The following SV2C variants were observed in gnomAD, a reference collection of about 807,000 sequenced individuals.
The protein encoded by SV2C is synaptic vesicle glycoprotein 2C.
SV2C carries 49 observed loss-of-function variants against 79.7 expected under a neutral mutation model. The ratio of observed to expected loss-of-function variants is 0.61; its 90% CI spans 0.49 to 0.78. The LOEUF (loss-of-function observed/expected upper bound fraction) is 0.78. SV2C is among the 30% of genes least tolerant of loss of function. The probability of loss-of-function intolerance (pLI) is 0.00; values close to 1 mark genes in which losing one functional copy is unlikely to be tolerated. For missense variants in SV2C, 833 were observed against 912.9 expected (o/e 0.91, Z 1.13); for synonymous variants, 334 against 333.2 (o/e 1.00, Z -0.03).
At chr5:76,034,678 A>G in the SV2C span, among the ~76,000 whole-genome samples, 1 of 152,142 alleles carries the variant, frequency 6.6e-6, no homozygotes, top group Non-Finnish European at 1.5e-5. Flanking sequence ...TTTTTGCATC[A>G]ATGTTCATCA....
chr5:75,930,997 G>A, the SV2C span, among the ~76,000 whole-genome samples: 1 of 152,132 alleles, frequency 6.6e-6, no homozygotes, highest in Admixed American at 6.5e-5. Flanking sequence ...AGCCAGGCAC[G>A]GTGGCACATG....
chr5:76,021,630 A>G, the SV2C span, among the ~76,000 whole-genome samples: 1 of 152,228 alleles, frequency 6.6e-6, no homozygotes, highest in Non-Finnish European at 1.5e-5. Flanking sequence ...GATACAGGAG[A>G]GGTCTAAAAA....
chr5:76,348,590 A>T (rs1749587355), intron 12 of SV2C, among the ~76,000 whole-genome samples: 1 of 152,230 alleles, frequency 6.6e-6, no homozygotes, highest in Non-Finnish European at 1.5e-5. Context: ...CCTTGTCAGC[A>T]TTTGGTTTCA....
the SV2C span, among the ~76,000 whole-genome samples, chr5:75,967,566 GC>G: frequency 6.6e-6 from 1 of 152,098 alleles, no homozygotes; most frequent in Non-Finnish European, 1.5e-5. Flanking sequence ...ACAGAGCCTC[GC>G]CCACTGCTAG....
the SV2C span, among the ~76,000 whole-genome samples, chr5:76,032,404 G>A: frequency 2.0e-5 from 3 of 150,490 alleles, no homozygotes; most frequent in Non-Finnish European, 4.4e-5. Flanking sequence ...CCTCTCCCCC[G>A]ACCCCACAAC....
chr5:75,986,986 G>A, the SV2C span, among the ~76,000 whole-genome samples: 1 of 151,768 alleles, frequency 6.6e-6, no homozygotes, highest in African/African-American at 2.4e-5. Context: ...TAAAAGATAG[G>A]GGCTTACTAA....
At chr5:76,310,065 T>G (rs2913262) in intron 12 of SV2C, among the ~76,000 whole-genome samples, 14,626 of 151,950 alleles carry the variant, frequency 0.096, 744 homozygotes, top group Admixed American at 0.14. Flanking sequence ...AAAAAAATGA[T>G]TATGGAATGC....
the SV2C span, among the ~76,000 whole-genome samples, chr5:76,053,468 G>T: frequency 6.6e-6 from 1 of 152,156 alleles, no homozygotes; most frequent in African/African-American, 2.4e-5. Context: ...ATTGATTAAC[G>T]TGTGACAATT....
chr5:76,273,345 C>T (rs1429375567), intron 4 of SV2C, among the ~76,000 whole-genome samples: 6 of 152,056 alleles, frequency 3.9e-5, no homozygotes, highest in East Asian at 1.9e-4. Context: ...CTCTCAGACT[C>T]ATCATTTCTC....
At chr5:76,350,290 C>G (rs943385173) in intron 12 of SV2C, among the ~76,000 whole-genome samples, 4 of 152,098 alleles carry the variant, frequency 2.6e-5, no homozygotes, top group Non-Finnish European at 5.9e-5. Flanking sequence ...TCCCTCATTC[C>G]CCAGAGAAGC....
At chr5:75,972,223 C>T in the SV2C span, among the ~76,000 whole-genome samples, 1 of 152,048 alleles carries the variant, frequency 6.6e-6, no homozygotes, top group African/African-American at 2.4e-5. Context: ...CATGAAAACC[C>T]TAGAAGAAAA....
chr5:76,179,194 A>G (rs1402534387), intron 2 of SV2C, among the ~76,000 whole-genome samples: 1 of 152,236 alleles, frequency 6.6e-6, no homozygotes, highest in African/African-American at 2.4e-5. Context: ...AGTTCAAGGT[A>G]CATGATTTGG....
the SV2C span, among the ~76,000 whole-genome samples, chr5:76,004,994 A>G: frequency 6.6e-6 from 1 of 152,180 alleles, no homozygotes; most frequent in Non-Finnish European, 1.5e-5. Context: ...CTCATGATAT[A>G]TCAACCAAGT....
intron 4 of SV2C, among the ~76,000 whole-genome samples, chr5:76,217,516 G>A (rs1052509882): frequency 1.3e-5 from 2 of 152,186 alleles, no homozygotes; most frequent in African/African-American, 4.8e-5. Context: ...TTTTCAGTCT[G>A]ATCCAGCCCA....
intron 1 of SV2C, among the ~76,000 whole-genome samples, chr5:76,108,040 C>T (rs1381936498): frequency 2.6e-5 from 4 of 152,182 alleles, no homozygotes; most frequent in South Asian, 2.1e-4. Flanking sequence ...TTTGTCCATA[C>T]AGCACAGTAG....
chr5:76,149,474 T>A (rs1293930098), intron 2 of SV2C, among the ~76,000 whole-genome samples: 1 of 152,064 alleles, frequency 6.6e-6, no homozygotes, highest in African/African-American at 2.4e-5. Context: ...CCACTTGGAG[T>A]GGTGCTGTCC....
At chr5:76,190,180 T>G (rs1744051384) in intron 2 of SV2C, among the ~76,000 whole-genome samples, 1 of 152,154 alleles carries the variant, frequency 6.6e-6, no homozygotes, top group Non-Finnish European at 1.5e-5. Context: ...AAGGGAAAAT[T>G]ATTTGTAATG....
the SV2C span, among the ~76,000 whole-genome samples, chr5:76,012,985 C>A: frequency 6.6e-6 from 1 of 152,132 alleles, no homozygotes; most frequent in African/African-American, 2.4e-5. Flanking sequence ...GGTACCAGTA[C>A]CATGCTGTTT....
intron 4 of SV2C, among the ~76,000 whole-genome samples, chr5:76,237,722 C>T (rs1476386787): frequency 2.0e-5 from 3 of 152,116 alleles, no homozygotes; most frequent in Non-Finnish European, 4.4e-5. Flanking sequence ...GGTTGGAAAT[C>T]ATTCTACCTC....
Sources: allele counts gnomAD v4.1 joint callset (sites outside exome capture counted in the v4.1 genomes callset), GRCh38; gene constraint gnomAD v4.1.1; transcripts MANE v1.5; gene names NCBI Gene and HGNC (gene_info 2026-07-23, HGNC 2026-07-21).